The following RAB31 variants were observed in gnomAD, a reference collection of about 807,000 sequenced individuals.
RAB31 encodes ras-related protein Rab-31.
Under a neutral mutation model 25.6 loss-of-function variants are expected in RAB31, and 21 were observed. The ratio of observed to expected loss-of-function variants is 0.82; its 90% confidence interval spans 0.58 to 1.18. The LOEUF is 1.18. Ranked by LOEUF, RAB31 falls within the 50% of genes most tolerant of loss-of-function variation. The pLI is 0.00. For missense variants in RAB31, 196 were observed against 250.1 expected (o/e 0.78, Z 1.46); for synonymous variants, 87 against 84.0 (o/e 1.04, Z -0.20).
At chr18:9,815,069 T>C (rs59718720) in intron 4 of RAB31, 47 bp from the exon 5 acceptor site, 97,655 of 1,320,872 alleles carry the variant, frequency 0.074, 6,124 homozygotes, top group East Asian at 0.37. Context: ...AGTTGAAATA[T>C]TATATTGAGG....
intron 1 of RAB31, among the ~76,000 whole-genome samples, chr18:9,769,166 T>G (rs778090926): frequency 6.6e-6 from 1 of 152,238 alleles, no homozygotes; most frequent in Non-Finnish European, 1.5e-5. Flanking sequence ...TAGGATTGTC[T>G]TGGCTATACG....
intron 5 of RAB31, among the ~76,000 whole-genome samples, chr18:9,817,478 A>C (rs2068604717): frequency 6.6e-6 from 1 of 152,132 alleles, no homozygotes; most frequent in African/African-American, 2.4e-5. Context: ...CTCTGGAGAG[A>C]TACTGGCCTG....
At chr18:9,792,342 C>T in intron 3 of RAB31, 107 bp downstream of exon 3, 1 of 1,473,030 alleles carries the variant, frequency 6.8e-7, no homozygotes, top group Admixed American at 2.2e-5. Context: ...GTGACAGAAA[C>T]CTAGCTTGAA....
rs36009427 is a variant in RAB31 at position 9,777,754 on chromosome 18, C to CTTTTTTTTTTTTTTTTTTTTTTT, written c.119+2415_119+2416insTTTTTTTTTTTTTTTTTTTTTTT. ...TAAAATAAAATCTTTTTGTAATGAC[C>CTTTTTTTTTTTTTTTTTTTTTTT]TTTTTTTTTTTTTTTTTTGAGACGG... is the stretch of plus-strand genomic sequence containing the variant. On this transcript the variant is annotated intron_variant, in intron 2 of 6. Coordinates refer to ENST00000578921, the MANE Select transcript of RAB31 (RefSeq NM_006868.4). Among the ~76,000 whole-genome samples, 2 of 113,966 alleles carry CTTTTTTTTTTTTTTTTTTTTTTT rather than the reference C, an allele frequency of 1.8e-5. 1 individual carries two copies. 74.8% of individuals were successfully genotyped at this position (113,966 alleles called of 152,430 possible).
intron 1 of RAB31, among the ~76,000 whole-genome samples, chr18:9,721,634 T>C (rs1355705973): frequency 2.7e-5 from 4 of 145,692 alleles, no homozygotes; most frequent in Admixed American, 6.8e-5. Context: ...AAAAAAGAAA[T>C]AACTGGGGCC....
At chr18:9,734,348 C>T (rs2068139702) in intron 1 of RAB31, among the ~76,000 whole-genome samples, 1 of 152,166 alleles carries the variant, frequency 6.6e-6, no homozygotes, top group African/African-American at 2.4e-5. Flanking sequence ...CTGTGCTTAC[C>T]TCCTGGCCTA....
intron 1 of RAB31, among the ~76,000 whole-genome samples, chr18:9,712,623 C>T (rs1160916062): frequency 6.6e-6 from 1 of 152,230 alleles, no homozygotes; most frequent in Admixed American, 6.5e-5. Flanking sequence ...GCATTTTTAA[C>T]ACACATCACC....
At chr18:9,835,969 C>T (rs1400098705) in intron 5 of RAB31, among the ~76,000 whole-genome samples, 8 of 152,004 alleles carry the variant, frequency 5.3e-5, no homozygotes, top group Non-Finnish European at 2.9e-5. Context: ...TGTGAGAACG[C>T]GTCAGAGCAC....
chr18:9,861,051 T>C lies in RAB31; in HGVS notation c.*1726T>C, dbSNP rs936824900. The C allele has an allele frequency of 6.6e-6, 1 of 151,716 alleles. No individual in the cohort carries two copies. Among genetic ancestry groups the C allele is most frequent in the African/African-American group, 2.4e-5 (1 of 41,226 alleles). The allele number at this position is 151,716 out of a possible 1,614,324, so 9.4% of individuals were successfully genotyped here. On this transcript the variant is annotated 3_prime_UTR_variant, in exon 7 of 7. Coordinates refer to ENST00000578921, the MANE Select transcript of RAB31 (RefSeq NM_006868.4). Reference sequence around the variant, plus strand: ...TTTTCCACATTGTCCACATTAATGGTTGGCATGATTGTGCTTGCAGGCCAA... The same window carrying C: ...TTTTCCACATTGTCCACATTAATGGCTGGCATGATTGTGCTTGCAGGCCAA...
At chr18:9,799,971 G>T (rs1263403930) in intron 3 of RAB31, among the ~76,000 whole-genome samples, 3 of 152,096 alleles carry the variant, frequency 2.0e-5, no homozygotes, top group African/African-American at 7.2e-5. Context: ...TCTTGGAATG[G>T]GTTATTGTGC....
chr18:9,769,674 C>T (rs931364878), intron 1 of RAB31, among the ~76,000 whole-genome samples: 1 of 152,138 alleles, frequency 6.6e-6, no homozygotes, highest in Non-Finnish European at 1.5e-5. Flanking sequence ...TTTGAATACC[C>T]TTTTTTTCTT....
At chr18:9,837,386 A>C (rs2068711207) in intron 5 of RAB31, among the ~76,000 whole-genome samples, 1 of 152,252 alleles carries the variant, frequency 6.6e-6, no homozygotes, top group African/African-American at 2.4e-5. Context: ...GAAGACAAAT[A>C]ATTTTTAAAA....
chr18:9,780,201 C>T (rs1183311642), intron 2 of RAB31, among the ~76,000 whole-genome samples: 1 of 149,908 alleles, frequency 6.7e-6, no homozygotes, highest in Non-Finnish European at 1.5e-5. Flanking sequence ...AGTTCATGTT[C>T]ACTCTAAAAA....
chr18:9,842,589 C>T (rs377762892), intron 5 of RAB31, among the ~76,000 whole-genome samples: 1 of 152,198 alleles, frequency 6.6e-6, no homozygotes, highest in Non-Finnish European at 1.5e-5. Context: ...TTCACTGGCC[C>T]TCCAGATTCT....
chr18:9,834,001 G>C (rs948854023), intron 5 of RAB31, among the ~76,000 whole-genome samples: 3 of 152,180 alleles, frequency 2.0e-5, no homozygotes, highest in African/African-American at 7.2e-5. Context: ...AGATATGACC[G>C]TCTGGAATAG....
intron 5 of RAB31, among the ~76,000 whole-genome samples, chr18:9,829,025 A>C (rs1350571704): frequency 6.6e-6 from 1 of 152,154 alleles, no homozygotes; most frequent in Non-Finnish European, 1.5e-5. Flanking sequence ...CTGAAGACTG[A>C]GCTGCCCAGA....
chr18:9,716,045 G>T (rs1028000627), intron 1 of RAB31, among the ~76,000 whole-genome samples: 1 of 152,134 alleles, frequency 6.6e-6, no homozygotes, highest in Non-Finnish European at 1.5e-5. Context: ...GATGTTTCCA[G>T]TTGCCCCCAA....
At chr18:9,805,085 T>A (rs965940569) in intron 3 of RAB31, among the ~76,000 whole-genome samples, 2 of 151,004 alleles carry the variant, frequency 1.3e-5, no homozygotes, top group African/African-American at 4.9e-5. Flanking sequence ...GACTCCCATC[T>A]CTACAAAAAG....
intron 2 of RAB31, chr18:9,787,691 T>C (rs1001805144): frequency 6.5e-6 from 1 of 153,604 alleles, no homozygotes; most frequent in African/African-American, 2.4e-5. Context: ...ACAAATGCAA[T>C]GATTATGGCA....
Sources: gnomAD v4.1 joint callset for allele counts (sites outside exome capture counted in the v4.1 genomes callset) on GRCh38, gnomAD v4.1.1 for gene constraint, MANE v1.5 for transcripts, NCBI Gene and HGNC (gene_info 2026-07-23, HGNC 2026-07-21) for gene names.